Variants in GALNT15 observed in about 807,000 individuals in gnomAD.
GALNT15 encodes UDP-GalNAc transferase T15.
In GALNT15, 67 loss-of-function variants were observed where a neutral mutation model predicts 66.8. The observed-to-expected ratio is 1.00, with a 90% CI of 0.82 to 1.23. GALNT15 has a LOEUF of 1.23. Ranked by LOEUF, GALNT15 falls within the 50% of genes most tolerant of loss-of-function variation. The probability of loss-of-function intolerance (pLI) is 0.00; values close to 1 mark genes in which losing one functional copy is unlikely to be tolerated. For synonymous variants in GALNT15, 313 were observed against 311.5 expected, an observed-to-expected ratio of 1.00 and a Z score of -0.05; for missense variants, 827 against 804.3, an observed-to-expected ratio of 1.03 and a Z score of -0.34.
At position 16,202,184 on chromosome 3, in the gene GALNT15, T is replaced by C. The variant is rs148085921; in HGVS notation, c.911+1361T>C. 5.3e-5 allele frequency among the ~76,000 whole-genome samples: 8 copies of C among 152,374 alleles called. 1 individual carries two copies. The highest frequency in any genetic ancestry group is 1.7e-4 in the African/African-American group (7 of 41,600). On this transcript the variant is annotated intron_variant, in intron 3 of 9. Coordinates refer to ENST00000339732, the MANE Select transcript of GALNT15 (RefSeq NM_054110.5). The stretch of plus-strand genomic sequence containing the variant: ...AAAGTAAATTGTTAATAGTTCAGCA[T>C]TCCATTTTAACAAAGAAGAACAATC...
rs201490177 is a variant in GALNT15 at position 16,200,737 on chromosome 3, C to T, written c.825C>T (p.Thr275=). ...GGATGCTGGGGGCCACCAGAGCCAC[C>T]GGGGATGTGCTCGTCTTCATGGATG... ...RARMLGATRA[T]GDVLVFMDAH... Residue 275 remains threonine (T), a synonymous_variant, in exon 3 of 10, where the codon ACC becomes ACT. Transcript: ENST00000339732. This position sits in a 1 kb window ranked among gnomAD's most constrained non-coding sequence, Gnocchi z 4.4. 48 of 1,612,688 alleles carry T rather than the reference C, an allele frequency of 3.0e-5. No individual in the cohort carries two copies. Among genetic ancestry groups the T allele is most frequent in the African/African-American group, 8.0e-5 (6 of 74,968 alleles).
chr3:16,185,165 G>C (rs1375437925), intron 1 of GALNT15, among the ~76,000 whole-genome samples: 1 of 152,208 alleles, frequency 6.6e-6, no homozygotes, highest in Non-Finnish European at 1.5e-5. Flanking sequence ...TGACTTGATA[G>C]AGAGATGGAA....
intron 4 of GALNT15, 146 bp downstream of exon 4, chr3:16,208,816 C>A (rs909812153): frequency 6.8e-6 from 5 of 730,252 alleles, no homozygotes; most frequent in Admixed American, 2.7e-5. Flanking sequence ...AAATTGAGAG[C>A]AATCATAGTA....
Position 16,219,619 on chromosome 3 carries a change from G to GTCAACCATTCACGGTTTAGCAGGGCCTCA in GALNT15, c.1524+86_1524+114dup. ...GATGTTCAGCTCTTCCATGTCCCTG[G>GTCAACCATTCACGGTTTAGCAGGGCCTCA]TCAACCATTCACGGTTTAGCAGGGC... On this transcript the variant is annotated intron_variant, in intron 7 of 9. Transcript: ENST00000339732. This position sits in a 1 kb window ranked among gnomAD's most constrained non-coding sequence, Gnocchi z 4.3. The GTCAACCATTCACGGTTTAGCAGGGCCTCA allele has an allele frequency of 6.5e-7, 1 of 1,548,390 alleles. No individual in the cohort carries two copies. The highest frequency in any genetic ancestry group is 2.2e-5 in the East Asian group (1 of 44,478).
Position 16,208,687 on chromosome 3 carries a change from C to T in GALNT15, c.1079+17C>T. The T allele has an allele frequency of 3.1e-6, 5 of 1,610,734 alleles. No homozygotes were observed. The highest frequency in any genetic ancestry group is 4.2e-6 in the Non-Finnish European group (5 of 1,177,780). ...CCCCATCAGGTGAGTCCCCATTTCA[C>T]ACCTGCTTTGCCATTGCCTCCTCAG... is the stretch of plus-strand genomic sequence containing the variant. On this transcript the variant is annotated intron_variant, in intron 4 of 9. Transcript: ENST00000339732.
the GALNT15 span, chr3:16,244,106 C>T: frequency 4.5e-5 from 30 of 667,960 alleles, no homozygotes; most frequent in Middle Eastern, 7.5e-4. Context: ...GAACAGGCAC[C>T]GATCGATAGG....
chr3:16,200,497 G>C lies in GALNT15; in HGVS notation c.707-122G>C, dbSNP rs1050108724. The C allele has an allele frequency of 1.5e-6, 1 of 667,686 alleles. No individual in the cohort carries two copies. The highest frequency in any genetic ancestry group is 4.0e-5 in the Admixed American group (1 of 25,248). The allele number at this position is 667,686 out of a possible 1,614,324, so 41.4% of individuals were successfully genotyped here. On this transcript the variant is annotated intron_variant, in intron 2 of 9. Coordinates refer to ENST00000339732, the MANE Select transcript of GALNT15 (RefSeq NM_054110.5). The surrounding 1 kb of genome is among the most constrained non-coding windows in gnomAD (Gnocchi z 4.4). ...ACAACCACACTGTAGTAATGTTTTCGGTTCTTAGGACCCAGGTGCTCACCA... is the reference window on the plus strand; with the variant it reads ...ACAACCACACTGTAGTAATGTTTTCCGTTCTTAGGACCCAGGTGCTCACCA...
In GALNT15 at chr3:16,225,593, G is replaced by T. The variant is rs1456309639; in HGVS notation, c.1774-1761G>T. Among the ~76,000 whole-genome samples the T allele has an allele frequency of 6.6e-6, 1 of 152,124 alleles. No homozygotes were observed. The highest frequency in any genetic ancestry group is 1.5e-5 in the Non-Finnish European group (1 of 68,026). Reference sequence around the variant, plus strand: ...ACCTCTAGTCTCAGCTACTCAGGAGGTTGAGGCAGGAGAATCGCTTGAACC... The same window carrying T: ...ACCTCTAGTCTCAGCTACTCAGGAGTTTGAGGCAGGAGAATCGCTTGAACC... On this transcript the variant is annotated intron_variant, in intron 9 of 9. Transcript: ENST00000339732. The surrounding 1 kb of genome is among the most constrained non-coding windows in gnomAD (Gnocchi z 4.4).
chr3:16,232,041 CTG>C, downstream of GALNT15: 1 of 1,272,770 alleles, frequency 7.9e-7, no homozygotes, highest in South Asian at 1.6e-5. Context: ...AATGCAGAAA[CTG>C]TTCAGAGAGG....
At position 16,229,301 on chromosome 3, in the gene GALNT15, T is replaced by C. The variant is rs545777643; in HGVS notation, c.*1801T>C. On this transcript the variant is annotated 3_prime_UTR_variant, in exon 10 of 10. Coordinates refer to ENST00000339732, the MANE Select transcript of GALNT15 (RefSeq NM_054110.5). ...TCTAATATGGTAGCCACTAACAAAA[T>C]GTGGCCATTTTGATGGAAATCCATT... The C allele has an allele frequency of 3.1e-6, 3 of 957,856 alleles. No homozygotes were observed. Among genetic ancestry groups the C allele is most frequent in the East Asian group, 1.2e-4 (1 of 8,682 alleles). 59.3% of individuals were successfully genotyped at this position (957,856 alleles called of 1,614,324 possible).
rs150729824 is a variant in GALNT15 at position 16,200,810 on chromosome 3, A to T, written c.898A>T (p.Ile300Leu). 67 of 1,606,894 alleles carry T rather than the reference A, an allele frequency of 4.2e-5. No individual in the cohort carries two copies. Among genetic ancestry groups the T allele is most frequent in the Non-Finnish European group, 4.9e-5 (58 of 1,177,290 alleles). Residue 300 changes from isoleucine (I) to leucine (L), a missense_variant, in exon 3 of 10, where the codon ATA (isoleucine) becomes TTA (leucine). Coordinates refer to ENST00000339732, the MANE Select transcript of GALNT15 (RefSeq NM_054110.5). The surrounding 1 kb of genome is among the most constrained non-coding windows in gnomAD (Gnocchi z 4.4). ...PGWLEPLLSR[I>L]AGDRSRVVSP... ...CTGGCTGGAGCCCCTCCTCAGCAGA[A>T]TAGCTGGTGACAGGTAACTTATTCC...
rs1468357813 is a variant in GALNT15 at position 16,225,776 on chromosome 3, A to G, written c.1774-1578A>G. 3.3e-5 allele frequency among the ~76,000 whole-genome samples: 5 copies of G among 151,864 alleles called. No homozygotes were observed. The highest frequency in any genetic ancestry group is 1.9e-4 in the East Asian group (1 of 5,166). Reference sequence around the variant, plus strand: ...CATGGATGTACCTTAAAAATATTACACACGGTGCCCAACACTTTGAGAGGC... The same window carrying G: ...CATGGATGTACCTTAAAAATATTACGCACGGTGCCCAACACTTTGAGAGGC... On this transcript the variant is annotated intron_variant, in intron 9 of 9. Transcript: ENST00000339732. The surrounding 1 kb of genome is among the most constrained non-coding windows in gnomAD (Gnocchi z 4.4).
At position 16,211,915 on chromosome 3, in the gene GALNT15, T is replaced by C. The variant is rs1187592141; in HGVS notation, c.1198-654T>C. Among the ~76,000 whole-genome samples, 5 of 152,246 alleles carry C rather than the reference T, an allele frequency of 3.3e-5. No homozygotes were observed. The highest frequency in any genetic ancestry group is 1.2e-4 in the African/African-American group (5 of 41,468). ...AACCCCAGACCCTATGAGTTTGCTGTGGCACCCTGGGGCACCTTGGCACAT... is the reference window on the plus strand; with the variant it reads ...AACCCCAGACCCTATGAGTTTGCTGCGGCACCCTGGGGCACCTTGGCACAT... On this transcript the variant is annotated intron_variant, in intron 5 of 9. Coordinates refer to ENST00000339732, the MANE Select transcript of GALNT15 (RefSeq NM_054110.5). The surrounding 1 kb of genome is among the most constrained non-coding windows in gnomAD (Gnocchi z 4.3).
chr3:16,207,362 C>T (rs970590459), intron 3 of GALNT15, among the ~76,000 whole-genome samples: 46 of 151,926 alleles, frequency 3.0e-4, no homozygotes, highest in Non-Finnish European at 1.2e-4. Flanking sequence ...CCATGACAGG[C>T]CAGGGGGAGA....
chr3:16,196,185 G>A (rs917573248), intron 2 of GALNT15, among the ~76,000 whole-genome samples: 5 of 152,076 alleles, frequency 3.3e-5, no homozygotes, highest in Admixed American at 1.3e-4. Context: ...GAGGGGTGTC[G>A]CCTCAGCCTG....
In GALNT15 at chr3:16,186,995, G is replaced by C. The variant is rs1273097160; in HGVS notation, c.540-8765G>C. Among the ~76,000 whole-genome samples the C allele has an allele frequency of 6.6e-6, 1 of 152,180 alleles. No individual in the cohort carries two copies. Among genetic ancestry groups the C allele is most frequent in the Non-Finnish European group, 1.5e-5 (1 of 68,046 alleles). On this transcript the variant is annotated intron_variant, in intron 1 of 9. Transcript: ENST00000339732. The surrounding 1 kb of genome is among the most constrained non-coding windows in gnomAD (Gnocchi z 5.1). ...CATTAGTGATTTCAGGCCGGGCGTG[G>C]TGGCTCACTCCTGTAATCCCAGCAC...
chr3:16,233,359 T>G (rs920056836), downstream of GALNT15, among the ~76,000 whole-genome samples: 2 of 152,014 alleles, frequency 1.3e-5, no homozygotes, highest in African/African-American at 2.4e-5. Flanking sequence ...CCTCCCAAAG[T>G]GTTAGGATTA....
chr3:16,229,089 T>C lies in GALNT15; in HGVS notation c.*1589T>C. 1 of 985,454 alleles carries C rather than the reference T, an allele frequency of 1.0e-6. No individual in the cohort carries two copies. The highest frequency in any genetic ancestry group is 1.7e-5 in the African/African-American group (1 of 57,376). 61.0% of individuals were successfully genotyped at this position (985,454 alleles called of 1,614,324 possible). On this transcript the variant is annotated 3_prime_UTR_variant, in exon 10 of 10. Coordinates refer to ENST00000339732, the MANE Select transcript of GALNT15 (RefSeq NM_054110.5). ...TTTCCACATGGTCAGCTTAGAAATCTTCCCCTAAAGATGCTAATCTCCTTT... is the reference window on the plus strand; with the variant it reads ...TTTCCACATGGTCAGCTTAGAAATCCTCCCCTAAAGATGCTAATCTCCTTT...
intron 1 of GALNT15, among the ~76,000 whole-genome samples, chr3:16,190,813 G>A (rs2063568770): frequency 1.3e-5 from 2 of 152,160 alleles, no homozygotes; most frequent in Non-Finnish European, 2.9e-5. Context: ...CCGCTCAGCT[G>A]CTGCTGGTCC....
Sources: gnomAD v4.1 joint callset for allele counts (sites outside exome capture counted in the v4.1 genomes callset) on GRCh38, gnomAD v4.1.1 for gene constraint, Gnocchi (gnomAD v3.1) non-coding constraint, MANE v1.5 for transcripts, NCBI Gene and HGNC (gene_info 2026-07-23, HGNC 2026-07-21) for gene names.